The following KDM4C variants were observed in gnomAD, a reference collection of about 807,000 sequenced individuals.
The protein encoded by KDM4C is lysine-specific demethylase 4C.
In KDM4C, 81 loss-of-function variants were observed where a neutral mutation model predicts 129.3. The observed-to-expected ratio is 0.63, with a 90% CI of 0.52 to 0.75. The LOEUF (loss-of-function observed/expected upper bound fraction) is 0.75. KDM4C is among the 30% of genes least tolerant of loss of function. KDM4C has a pLI of 0.00. For missense variants in KDM4C, 1,457 were observed against 1,304.0 expected (o/e 1.12, Z -1.81); for synonymous variants, 573 against 456.1 (o/e 1.26, Z -3.26).
chr9:6,927,271 A>G (rs1472982575), intron 8 of KDM4C, among the ~76,000 whole-genome samples: 2 of 152,244 alleles, frequency 1.3e-5, no homozygotes, highest in East Asian at 3.9e-4. Flanking sequence ...TTGGGATTAC[A>G]GGCGCATGCC....
At chr9:6,864,932 G>A (rs1355178848) in intron 5 of KDM4C, among the ~76,000 whole-genome samples, 1 of 150,058 alleles carries the variant, frequency 6.7e-6, no homozygotes, top group East Asian at 1.9e-4. Context: ...TTTTAGTTCA[G>A]CAAATGTATT....
rs562860494 is a variant in KDM4C, at chr9:6,828,255, C to T, written c.435+13510C>T. Among the ~76,000 whole-genome samples, 7 of 152,158 alleles carry T rather than the reference C, an allele frequency of 4.6e-5. No homozygotes were observed. In the East Asian group the frequency reaches 1.2e-3, roughly 25 times the overall value. ...CTCCGCCTCCCAGGTTCAGGCCATTCTCCTGTCTCAGCCTCCCGAATAGCT... is the reference window on the plus strand; with the variant it reads ...CTCCGCCTCCCAGGTTCAGGCCATTTTCCTGTCTCAGCCTCCCGAATAGCT... On this transcript the variant is annotated intron_variant, in intron 4 of 21. Coordinates refer to ENST00000381309, the MANE Select transcript of KDM4C (RefSeq NM_015061.6).
intron 2 of KDM4C, among the ~76,000 whole-genome samples, chr9:6,799,022 G>A (rs1248363451): frequency 1.5e-5 from 2 of 132,256 alleles, no homozygotes; most frequent in East Asian, 1.9e-4. Context: ...CCGGGAAGAG[G>A]CGCTCCTCAC....
At chr9:6,790,929 A>G (rs1388525689) in intron 1 of KDM4C, among the ~76,000 whole-genome samples, 1 of 152,106 alleles carries the variant, frequency 6.6e-6, no homozygotes, top group Non-Finnish European at 1.5e-5. Flanking sequence ...CTACTTTCCT[A>G]CTTTGATCTC....
At chr9:6,804,755 C>G (rs1422912884) in intron 2 of KDM4C, among the ~76,000 whole-genome samples, 1 of 135,970 alleles carries the variant, frequency 7.4e-6, no homozygotes, top group Non-Finnish European at 1.6e-5. Context: ...GAGACTCCGT[C>G]TCAAAAAAAA....
At chr9:6,879,908 G>C in intron 5 of KDM4C, 104 bp from the exon 6 acceptor site, 1 of 543,308 alleles carries the variant, frequency 1.8e-6, no homozygotes. Flanking sequence ...AGTGGAGTTT[G>C]GTGTTGAATT....
At chr9:7,149,765 C>A (rs1842561645) in intron 19 of KDM4C, among the ~76,000 whole-genome samples, 1 of 152,202 alleles carries the variant, frequency 6.6e-6, no homozygotes, top group Admixed American at 6.5e-5. Context: ...AATTTTTGGT[C>A]AGCTCATTGG....
chr9:6,838,348 T>G (rs12553351), intron 4 of KDM4C, among the ~76,000 whole-genome samples: 13,546 of 152,234 alleles, frequency 0.089, 754 homozygotes, highest in South Asian at 0.18. Flanking sequence ...CAGTGATCTT[T>G]GCTTGTATGC....
rs201272495 is a variant in KDM4C at position 6,811,369 on chromosome 9, G to A, written c.321-3262G>A. On this transcript the variant is annotated intron_variant, in intron 3 of 21. Transcript: ENST00000381309. Reference sequence around the variant, plus strand: ...GGGGTTTCAACATGTTGGCCAGGCTGGTCTCTAACTCCTGACCTCTGATCC... The same window carrying A: ...GGGGTTTCAACATGTTGGCCAGGCTAGTCTCTAACTCCTGACCTCTGATCC... Among the ~76,000 whole-genome samples, 121 of 152,210 alleles carry A rather than the reference G, an allele frequency of 7.9e-4. 3 individuals are homozygous for A. In the East Asian group the frequency reaches 8.3e-3, roughly 10 times the overall value.
chr9:6,819,966 G>T (rs1018186871), intron 4 of KDM4C, among the ~76,000 whole-genome samples: 11 of 151,896 alleles, frequency 7.2e-5, no homozygotes, highest in African/African-American at 2.4e-4. Flanking sequence ...TGAATTTCTA[G>T]TGGTAGCTAT....
At chr9:7,034,587 A>C (rs1225398756) in intron 15 of KDM4C, among the ~76,000 whole-genome samples, 1 of 152,210 alleles carries the variant, frequency 6.6e-6, no homozygotes, top group Non-Finnish European at 1.5e-5. Flanking sequence ...TTGGATACCT[A>C]GGTTGATTCC....
intron 10 of KDM4C, among the ~76,000 whole-genome samples, chr9:6,986,082 T>G (rs1264372730): frequency 6.6e-6 from 1 of 152,256 alleles, no homozygotes; most frequent in Non-Finnish European, 1.5e-5. Flanking sequence ...TCATTAGTTC[T>G]GTCACTACAT....
intron 1 of KDM4C, among the ~76,000 whole-genome samples, chr9:6,780,741 C>T (rs961182103): frequency 1.7e-5 from 2 of 115,270 alleles, no homozygotes; most frequent in African/African-American, 6.8e-5. Flanking sequence ...GTACTCCAGC[C>T]TGGGCAACAA....
At chr9:6,952,510 G>A (rs534195850) in intron 8 of KDM4C, among the ~76,000 whole-genome samples, 11 of 151,370 alleles carry the variant, frequency 7.3e-5, no homozygotes, top group South Asian at 4.2e-4. Flanking sequence ...GCACGATCTC[G>A]GCTCACTGCA....
intron 8 of KDM4C, among the ~76,000 whole-genome samples, chr9:6,903,978 G>A (rs148491898): frequency 0.01 from 1,557 of 152,184 alleles, 32 homozygotes; most frequent in African/African-American, 0.035. Flanking sequence ...GGTGGCTCAC[G>A]TCTGTAATCC....
chr9:6,940,741 ATCATAAG>A (rs1825793050), intron 8 of KDM4C, among the ~76,000 whole-genome samples: 1 of 152,222 alleles, frequency 6.6e-6, no homozygotes, highest in African/African-American at 2.4e-5. Flanking sequence ...GTATCCATAT[ATCATAAG>A]ACATGTAACT....
At chr9:6,985,971 G>T (rs149538193) in intron 10 of KDM4C, among the ~76,000 whole-genome samples, 1 of 152,206 alleles carries the variant, frequency 6.6e-6, no homozygotes, top group Non-Finnish European at 1.5e-5. Context: ...GATTACACAC[G>T]TGAGCCACCG....
At chr9:6,903,060 C>A (rs1029554411) in intron 8 of KDM4C, among the ~76,000 whole-genome samples, 9 of 152,140 alleles carry the variant, frequency 5.9e-5, no homozygotes, top group African/African-American at 2.2e-4. Flanking sequence ...GTATTTCCCA[C>A]ATCAGTTTCA....
At chr9:6,889,342 C>T (rs1468178741) in intron 7 of KDM4C, among the ~76,000 whole-genome samples, 2 of 151,914 alleles carry the variant, frequency 1.3e-5, no homozygotes, top group Non-Finnish European at 2.9e-5. Context: ...CCCTCATAAA[C>T]TGTCTATGCA....
Sources: gnomAD v4.1 joint callset for allele counts (sites outside exome capture counted in the v4.1 genomes callset) on GRCh38, gnomAD v4.1.1 for gene constraint, MANE v1.5 for transcripts, NCBI Gene and HGNC (gene_info 2026-07-23, HGNC 2026-07-21) for gene names.